Variants in CYP4X1 observed in about 807,000 individuals in gnomAD.
CYP4X1 encodes the protein cytochrome P450 family 4 subfamily X member 1.
In CYP4X1, 44 loss-of-function variants were observed where a neutral mutation model predicts 57.9. The observed-to-expected ratio is 0.76, with a 90% CI of 0.60 to 0.98. The LOEUF is 0.98. Ranked by LOEUF, CYP4X1 falls within the 50% of genes least tolerant of loss-of-function variation. The pLI is 0.00. For synonymous variants in CYP4X1, 227 were observed against 228.6 expected, an observed-to-expected ratio of 0.99 and a Z score of 0.06; for missense variants, 532 against 623.9, an observed-to-expected ratio of 0.85 and a Z score of 1.57.
the CYP4X1 span, among the ~76,000 whole-genome samples, chr1:46,966,873 G>A: frequency 6.6e-6 from 1 of 152,216 alleles, no homozygotes; most frequent in South Asian, 2.1e-4. Flanking sequence ...TGAGGGAAAG[G>A]TTAATGTACT....
In CYP4X1 at chr1:47,023,863, C is replaced by T. The variant is rs1054525042; in HGVS notation, c.46C>T (p.Leu16=). The T allele has an allele frequency of 2.5e-6, 4 of 1,613,584 alleles. No individual in the cohort carries two copies. Among genetic ancestry groups the T allele is most frequent in the Non-Finnish European group, 3.4e-6 (4 of 1,179,976 alleles). The change falls in exon 1 of 12, where the codon CTG becomes TTG. Residue 16 remains leucine, a synonymous_variant. Transcript: ENST00000371901. ...LETRWARPFY[L]AFVFCLALGL... ...GACGCGCTGGGCGCGGCCCTTTTAC[C>T]TGGCGTTCGTGTTCTGCCTGGCCCT...
At chr1:47,003,865 G>T in the CYP4X1 span, among the ~76,000 whole-genome samples, 1 of 151,938 alleles carries the variant, frequency 6.6e-6, no homozygotes, top group South Asian at 2.1e-4. Flanking sequence ...CCTCTCCACC[G>T]TCCCCGCCAA....
chr1:47,045,052 C>T (rs552959326), intron 8 of CYP4X1, among the ~76,000 whole-genome samples: 77 of 152,106 alleles, frequency 5.1e-4, no homozygotes, highest in African/African-American at 1.8e-3. Flanking sequence ...CTTGAACACC[C>T]GACCTCAGAT....
chr1:46,976,813 G>A, the CYP4X1 span, among the ~76,000 whole-genome samples: 1 of 152,174 alleles, frequency 6.6e-6, no homozygotes, highest in African/African-American at 2.4e-5. Flanking sequence ...GCCTCTGCTG[G>A]TGATACCCAG....
At chr1:47,037,036 G>A (rs1445263073) in intron 6 of CYP4X1, among the ~76,000 whole-genome samples, 6 of 152,098 alleles carry the variant, frequency 3.9e-5, no homozygotes, top group East Asian at 1.9e-4. Context: ...GCATAAATGG[G>A]CATTATAAAT....
At chr1:47,009,261 C>G in the CYP4X1 span, among the ~76,000 whole-genome samples, 1 of 152,022 alleles carries the variant, frequency 6.6e-6, no homozygotes, top group Non-Finnish European at 1.5e-5. Context: ...GAAACTCACT[C>G]AAAACCGCTC....
the CYP4X1 span, among the ~76,000 whole-genome samples, chr1:46,997,283 G>T: frequency 6.6e-6 from 1 of 152,136 alleles, no homozygotes; most frequent in Non-Finnish European, 1.5e-5. Context: ...GATATATTGT[G>T]TAACACCGGG....
At position 47,049,505 on chromosome 1, in the gene CYP4X1, G is replaced by A. The variant is rs199729960; in HGVS notation, c.1355+1G>A. On this transcript the variant is annotated splice_donor_variant, in intron 11 of 11. Transcript: ENST00000371901. LOFTEE classifies it high-confidence loss of function. Reference sequence around the variant, plus strand: ...ACTTACCATTCTCAGCTGGATCAAGGTGAGAACAATTTGAAGTTGCTGAAA... The same window carrying A: ...ACTTACCATTCTCAGCTGGATCAAGATGAGAACAATTTGAAGTTGCTGAAA... 3 of 1,613,420 alleles carry A rather than the reference G, an allele frequency of 1.9e-6. No homozygotes were observed. The highest frequency in any genetic ancestry group is 1.3e-5 in the African/African-American group (1 of 74,872).
the CYP4X1 span, among the ~76,000 whole-genome samples, chr1:47,000,115 G>A: frequency 2.0e-5 from 3 of 152,160 alleles, no homozygotes; most frequent in African/African-American, 4.8e-5. Context: ...CATGGAGGTG[G>A]TTTCCTCCAT....
At position 47,050,106 on chromosome 1, in the gene CYP4X1, C is replaced by T; in HGVS notation, c.1462C>T (p.Pro488Ser). The part of the protein sequence containing the change: ...TPDPTRPLTF[P>S]NHFILKPKNG... ...AGACCCCACCAGGCCTCTTACTTTCCCCAACCATTTTATCCTCAAGCCCAA... is the reference window on the plus strand; with the variant it reads ...AGACCCCACCAGGCCTCTTACTTTCTCCAACCATTTTATCCTCAAGCCCAA... The change falls in exon 12 of 12, where the codon CCC (proline) becomes TCC (serine). Residue 488 changes from proline (P) to serine (S), a missense_variant. By Grantham distance (74) the Pro-to-Ser change is moderately conservative. Coordinates refer to ENST00000371901, the MANE Select transcript of CYP4X1 (RefSeq NM_178033.2). The T allele has an allele frequency of 1.2e-6, 2 of 1,614,032 alleles. No individual in the cohort carries two copies. The highest frequency in any genetic ancestry group is 8.5e-7 in the Non-Finnish European group (1 of 1,180,008).
At chr1:46,987,324 G>A in the CYP4X1 span, among the ~76,000 whole-genome samples, 1 of 152,272 alleles carries the variant, frequency 6.6e-6, no homozygotes, top group East Asian at 1.9e-4. Flanking sequence ...AATGCATTAA[G>A]AAGAGTTAAC....
upstream of CYP4X1, among the ~76,000 whole-genome samples, chr1:47,020,232 G>A (rs1361281766): frequency 6.6e-6 from 1 of 152,146 alleles, no homozygotes; most frequent in Non-Finnish European, 1.5e-5. Context: ...CCACATAGAA[G>A]ACACATTCTG....
At chr1:47,004,880 A>T in the CYP4X1 span, among the ~76,000 whole-genome samples, 10 of 152,104 alleles carry the variant, frequency 6.6e-5, no homozygotes, top group Non-Finnish European at 1.2e-4. Flanking sequence ...CCCTTACCCT[A>T]CTTGACTGGC....
rs11805979 is a variant in CYP4X1 at position 47,033,668 on chromosome 1, G to A, written c.492+300G>A. Reference sequence around the variant, plus strand: ...GCTGTAGATGTGTTTCATGGAGGGCGGGTCTGTACAAACCTACCCCAAAGT... The same window carrying A: ...GCTGTAGATGTGTTTCATGGAGGGCAGGTCTGTACAAACCTACCCCAAAGT... On this transcript the variant is annotated intron_variant, in intron 4 of 11. Coordinates refer to ENST00000371901, the MANE Select transcript of CYP4X1 (RefSeq NM_178033.2). Among the ~76,000 whole-genome samples, 736 of 152,228 alleles carry A rather than the reference G, an allele frequency of 4.8e-3. 4 individuals are homozygous for A. The highest frequency in any genetic ancestry group is 0.017 in the African/African-American group (694 of 41,538).
chr1:47,054,813 T>C (rs1297466913), downstream of CYP4X1, among the ~76,000 whole-genome samples: 1 of 152,202 alleles, frequency 6.6e-6, no homozygotes, highest in Non-Finnish European at 1.5e-5. Flanking sequence ...CTTAAGGAGA[T>C]TTTGGGCTGA....
At chr1:47,049,396 G>A in intron 10 of CYP4X1, 26 bp from the exon 11 acceptor site, 4 of 1,587,184 alleles carry the variant, frequency 2.5e-6, no homozygotes, top group Non-Finnish European at 3.5e-6. Flanking sequence ...TTGGGGGATG[G>A]TGTTGGGGTT....
chr1:46,969,617 A>G, the CYP4X1 span, among the ~76,000 whole-genome samples: 1 of 152,222 alleles, frequency 6.6e-6, no homozygotes, highest in Non-Finnish European at 1.5e-5. Context: ...TTTGGCATTC[A>G]TATTTCTCAG....
chr1:47,046,416 A>G, intron 8 of CYP4X1, 51 bp from the exon 9 acceptor site: 1 of 1,603,226 alleles, frequency 6.2e-7, no homozygotes, highest in East Asian at 2.2e-5. Flanking sequence ...AAACAGAAAA[A>G]AAGTAAACTG....
At chr1:46,985,593 G>A in the CYP4X1 span, among the ~76,000 whole-genome samples, 1 of 152,202 alleles carries the variant, frequency 6.6e-6, no homozygotes, top group African/African-American at 2.4e-5. Flanking sequence ...AGCAGAGGCT[G>A]ACAGACACTT....
Sources: allele counts gnomAD v4.1 joint callset (sites outside exome capture counted in the v4.1 genomes callset), GRCh38; gene constraint gnomAD v4.1.1; transcripts MANE v1.5; gene names NCBI Gene and HGNC (gene_info 2026-07-23, HGNC 2026-07-21).